PSD3: variants seen among roughly 807,000 people sequenced by gnomAD.
PSD3 encodes pleckstrin and Sec7 domain containing 3, also known as PH and SEC7 domain-containing protein 3.
A neutral mutation model predicts 105.5 loss-of-function variants in PSD3; 49 were observed. The observed-to-expected ratio is 0.46, with a 90% CI of 0.37 to 0.59. PSD3 has a LOEUF of 0.59. Among genes scored for constraint, PSD3 ranks in the 20% least tolerant of loss-of-function variants. PSD3 has a pLI of 0.00. For synonymous variants in PSD3, 557 were observed against 457.8 expected, an observed-to-expected ratio of 1.22 and a Z score of -2.77; for missense variants, 1,561 against 1,263.8, an observed-to-expected ratio of 1.24 and a Z score of -3.57.
chr8:18,588,024 T>C (rs1803324244), intron 12 of PSD3, among the ~76,000 whole-genome samples: 1 of 152,126 alleles, frequency 6.6e-6, no homozygotes, highest in African/African-American at 2.4e-5. Context: ...GATTAGCCCT[T>C]AACACATGCT....
At chr8:18,610,990 G>A (rs934000936) in intron 11 of PSD3, among the ~76,000 whole-genome samples, 7 of 152,070 alleles carry the variant, frequency 4.6e-5, no homozygotes, top group African/African-American at 1.7e-4. Flanking sequence ...ATGTTGTTGA[G>A]TTAATCTGGG....
intron 1 of PSD3, among the ~76,000 whole-genome samples, chr8:19,030,115 T>C (rs1042455307): frequency 5.9e-5 from 9 of 152,314 alleles, no homozygotes; most frequent in Non-Finnish European, 1.3e-4. Flanking sequence ...TTTTGGTACA[T>C]GCCTTTTGTC....
At chr8:19,052,874 G>A (rs1828581560) in intron 1 of PSD3, among the ~76,000 whole-genome samples, 1 of 152,114 alleles carries the variant, frequency 6.6e-6, no homozygotes, top group Admixed American at 6.5e-5. Context: ...TTGAATGTGA[G>A]TAGGTAGAGG....
intron 1 of PSD3, among the ~76,000 whole-genome samples, chr8:19,024,828 C>G (rs1827486945): frequency 6.6e-6 from 1 of 152,050 alleles, no homozygotes; most frequent in African/African-American, 2.4e-5. Context: ...GCATGAAAAC[C>G]CTGAAGCATC....
chr8:18,886,881 T>G (rs1218287158), intron 2 of PSD3: 1 of 152,224 alleles, frequency 6.6e-6, no homozygotes, highest in Non-Finnish European at 1.5e-5. Context: ...AAGCAGCCTG[T>G]TCTCCCGTTT....
intron 9 of PSD3, among the ~76,000 whole-genome samples, chr8:18,746,167 C>A (rs1426706380): frequency 6.6e-6 from 1 of 152,062 alleles, no homozygotes; most frequent in Non-Finnish European, 1.5e-5. Context: ...GGTTTCCTAC[C>A]CTTTCCTAAT....
At chr8:18,544,173 A>AAAAAAAAAAAAAAAAAAAAAAAAAAACC (rs1800316272) in intron 15 of PSD3, among the ~76,000 whole-genome samples, 1 of 16,816 alleles carries the variant, frequency 5.9e-5, no homozygotes, top group African/African-American at 1.5e-4. Context: ...AAACAAACCA[A>AAAAAAAAAAAAAAAAAAAAAAAAAAACC]AAAAAAAAAA....
At chr8:18,783,255 C>T (rs1007854120) in intron 8 of PSD3, among the ~76,000 whole-genome samples, 16 of 152,282 alleles carry the variant, frequency 1.1e-4, no homozygotes, top group African/African-American at 2.9e-4. Flanking sequence ...TCTAGGTTAT[C>T]TAGCTGTTGA....
At chr8:18,917,244 A>G (rs1486430656) in intron 2 of PSD3, among the ~76,000 whole-genome samples, 2 of 152,190 alleles carry the variant, frequency 1.3e-5, no homozygotes, top group Non-Finnish European at 2.9e-5. Flanking sequence ...GCATTCCTGC[A>G]CTACTTTCAG....
At chr8:18,606,346 G>A (rs1804827976) in intron 11 of PSD3, among the ~76,000 whole-genome samples, 1 of 151,900 alleles carries the variant, frequency 6.6e-6, no homozygotes, top group Non-Finnish European at 1.5e-5. Flanking sequence ...TGTCCTGAAG[G>A]CTTAGCATCC....
At position 18,919,900 on chromosome 8, in the gene PSD3, A is replaced by G. The variant is rs904133594; in HGVS notation, c.130+16134T>C. The stretch of plus-strand genomic sequence containing the variant: ...AGCATTGGGAGATATACCTAATGCT[A>G]GATGACGAGTTAGTGGGTGCAGCGC... On this transcript the variant is annotated intron_variant, in intron 2 of 15. Coordinates refer to ENST00000327040, the MANE Select transcript of PSD3 (RefSeq NM_015310.4). Among the ~76,000 whole-genome samples the G allele has an allele frequency of 3.9e-4, 59 of 150,662 alleles. 1 individual carries two copies. Among genetic ancestry groups the G allele is most frequent in the Admixed American group, 3.9e-3 (59 of 15,152 alleles).
intron 1 of PSD3, among the ~76,000 whole-genome samples, chr8:18,954,220 C>A (rs1823415308): frequency 2.0e-5 from 3 of 151,924 alleles, no homozygotes; most frequent in African/African-American, 4.8e-5. Flanking sequence ...AGAAAAAAAT[C>A]TGGAAAAAAT....
intron 9 of PSD3, among the ~76,000 whole-genome samples, chr8:18,670,513 G>A (rs988144411): frequency 3.9e-5 from 6 of 152,140 alleles, no homozygotes; most frequent in African/African-American, 1.4e-4. Flanking sequence ...AGTTGACTGG[G>A]ATGAAGGCAG....
At chr8:18,689,761 A>G (rs1439802937) in intron 9 of PSD3, among the ~76,000 whole-genome samples, 2 of 152,322 alleles carry the variant, frequency 1.3e-5, no homozygotes, top group Non-Finnish European at 2.9e-5. Context: ...AGCCCAACAT[A>G]TTCAAGAGGC....
At chr8:18,566,760 A>C (rs2130270090) in intron 14 of PSD3, among the ~76,000 whole-genome samples, 1 of 151,930 alleles carries the variant, frequency 6.6e-6, no homozygotes, top group South Asian at 2.1e-4. Flanking sequence ...TAAAATCTTC[A>C]ATCCCTAATT....
chr8:18,666,025 C>G (rs1023621839), intron 9 of PSD3, among the ~76,000 whole-genome samples: 1 of 152,184 alleles, frequency 6.6e-6, no homozygotes, highest in African/African-American at 2.4e-5. Context: ...GCTCCAATGA[C>G]ACACATAATA....
chr8:18,822,537 G>A (rs1812828836), intron 4 of PSD3, among the ~76,000 whole-genome samples: 1 of 152,182 alleles, frequency 6.6e-6, no homozygotes, highest in Admixed American at 6.5e-5. Context: ...GCAAAAGTCT[G>A]TGACCTGGCT....
intron 14 of PSD3, among the ~76,000 whole-genome samples, chr8:18,557,150 T>A (rs75660664): frequency 0.04 from 6,127 of 152,316 alleles, 182 homozygotes; most frequent in African/African-American, 0.08. Flanking sequence ...AAAACATTCT[T>A]GGAATTCTCT....
chr8:19,061,270 A>G (rs141146174), intron 1 of PSD3, among the ~76,000 whole-genome samples: 1 of 152,220 alleles, frequency 6.6e-6, no homozygotes, highest in East Asian at 1.9e-4. Flanking sequence ...AGATGAAGTC[A>G]TTCAGTTGGT....
Sources: allele counts gnomAD v4.1 joint callset (sites outside exome capture counted in the v4.1 genomes callset), GRCh38; gene constraint gnomAD v4.1.1; transcripts MANE v1.5; gene names NCBI Gene and HGNC (gene_info 2026-07-23, HGNC 2026-07-21).